AVL9: variants seen among roughly 807,000 people sequenced by gnomAD.
The protein encoded by AVL9 is AVL9 cell migration associated.
Under a neutral mutation model 79.2 loss-of-function variants are expected in AVL9, and 49 were observed. The observed-to-expected ratio is 0.62, with a 90% CI of 0.49 to 0.79. The LOEUF (loss-of-function observed/expected upper bound fraction) is 0.79, where lower values mean the gene tolerates loss of function less well. Among genes scored for constraint, AVL9 ranks in the 30% least tolerant of loss-of-function variants. The pLI is 0.00. For missense variants in AVL9, 682 were observed against 776.8 expected, an observed-to-expected ratio of 0.88 and a Z score of 1.45; for synonymous variants, 299 against 280.6, an observed-to-expected ratio of 1.07 and a Z score of -0.65.
chr7:32,554,498 AAG>A, intron 7 of AVL9, 58 bp from the exon 8 acceptor site: 1 of 1,121,602 alleles, frequency 8.9e-7, no homozygotes, highest in Non-Finnish European at 1.3e-6. Flanking sequence ...AGGAGGGGAA[AAG>A]ATGAATTATA....
intron 1 of AVL9, among the ~76,000 whole-genome samples, chr7:32,503,351 G>GAGATATATATATATATCTATAT (rs1383481307): frequency 1.0e-4 from 3 of 28,832 alleles, no homozygotes; most frequent in East Asian, 4.1e-3. Flanking sequence ...TATAGATATA[G>GAGATATATATATATATCTATAT]ATATAGAGAG....
rs908690255 is a variant in AVL9 at position 32,495,705 on chromosome 7, C to T, written c.-5C>T. The T allele has an allele frequency of 1.3e-4, 168 of 1,255,980 alleles. No homozygotes were observed. Among genetic ancestry groups the T allele is most frequent in the Non-Finnish European group, 1.6e-4 (163 of 991,174 alleles). 77.8% of individuals were successfully genotyped at this position (1,255,980 alleles called of 1,614,324 possible). On this transcript the variant is annotated 5_prime_UTR_variant, in exon 1 of 16. Coordinates refer to ENST00000318709, the MANE Select transcript of AVL9 (RefSeq NM_015060.3). ...AGTCGTCGTGCGGGCCCGCGGCGGC[C>T]GCCCATGGAGAAGGCCAGGAGAGGC...
chr7:32,516,301 A>G (rs760326209), intron 1 of AVL9, among the ~76,000 whole-genome samples: 1 of 151,994 alleles, frequency 6.6e-6, no homozygotes, highest in Non-Finnish European at 1.5e-5. Flanking sequence ...TGTTTTTTCC[A>G]CCTAGGAAGT....
intron 3 of AVL9, among the ~76,000 whole-genome samples, chr7:32,547,113 A>G (rs1789550814): frequency 6.6e-6 from 1 of 152,160 alleles, no homozygotes; most frequent in African/African-American, 2.4e-5. Flanking sequence ...GTTGGTATCA[A>G]GAGGTGACAC....
rs147759299 is a variant in AVL9, at chr7:32,499,291, A to G, written c.93+3489A>G. Among the ~76,000 whole-genome samples, 115 of 152,142 alleles carry G rather than the reference A, an allele frequency of 7.6e-4. 1 individual carries two copies. The highest frequency in any genetic ancestry group is 2.4e-3 in the African/African-American group (101 of 41,508). ...CAGAGTTTTGTTTGTTCCAATATAT[A>G]AATTATACTTGTCGGACTACCAAAA... On this transcript the variant is annotated intron_variant, in intron 1 of 15. Transcript: ENST00000318709.
intron 1 of AVL9, among the ~76,000 whole-genome samples, chr7:32,520,787 G>C (rs1265753831): frequency 1.3e-5 from 2 of 152,070 alleles, no homozygotes; most frequent in Non-Finnish European, 2.9e-5. Flanking sequence ...TCCCTCATGG[G>C]TGTACAGATG....
rs1192461047 is a variant in AVL9 at position 32,579,457 on chromosome 7, A to G, written c.1689-762A>G. On this transcript the variant is annotated intron_variant, in intron 13 of 15. Transcript: ENST00000318709. ...ATATATTATATATAATATATTATATATTATATATAATATATTATATTATAT... is the reference window on the plus strand; with the variant it reads ...ATATATTATATATAATATATTATATGTTATATATAATATATTATATTATAT... Among the ~76,000 whole-genome samples, 35 of 7,726 alleles carry G rather than the reference A, an allele frequency of 4.5e-3. 12 individuals carry two copies. Among genetic ancestry groups the G allele is most frequent in the African/African-American group, 0.023 (33 of 1,438 alleles). 5.1% of individuals were successfully genotyped at this position (7,726 alleles called of 152,430 possible).
chr7:32,521,737 TG>T (rs959174755), intron 1 of AVL9, among the ~76,000 whole-genome samples: 1 of 152,174 alleles, frequency 6.6e-6, no homozygotes, highest in African/African-American at 2.4e-5. Flanking sequence ...CCCAAGACCA[TG>T]GGGAAGATGT....
intron 3 of AVL9, 110 bp downstream of exon 3, chr7:32,544,889 G>A (rs1257968329): frequency 1.3e-6 from 1 of 741,830 alleles, no homozygotes; most frequent in Non-Finnish European, 2.2e-6. Flanking sequence ...TTAGATTTTT[G>A]TATACAATTT....
rs70992731 is a variant in AVL9 at position 32,566,180 on chromosome 7, A to ATCTTTTTTTTTTTTTTTTTTTT, written c.1216-3839_1216-3838insCTTTTTTTTTTTTTTTTTTTTT. ...TAAAAAAATTTTAATTATTATTATT[A>ATCTTTTTTTTTTTTTTTTTTTT]TTTTTTTTTTTTGGAGACAAGGTCT... is the stretch of plus-strand genomic sequence containing the variant. On this transcript the variant is annotated intron_variant, in intron 10 of 15. Coordinates refer to ENST00000318709, the MANE Select transcript of AVL9 (RefSeq NM_015060.3). 3.9e-4 allele frequency among the ~76,000 whole-genome samples: 37 copies of ATCTTTTTTTTTTTTTTTTTTTT among 93,882 alleles called. 5 individuals are homozygous for ATCTTTTTTTTTTTTTTTTTTTT. Among genetic ancestry groups the ATCTTTTTTTTTTTTTTTTTTTT allele is most frequent in the Middle Eastern group, 8.3e-3 (1 of 120 alleles). The allele number at this position is 93,882 out of a possible 152,430, so 61.6% of individuals were successfully genotyped here.
chr7:32,583,739 C>G (rs1244076778), intron 15 of AVL9, 53 bp from the exon 16 acceptor site: 1 of 1,169,894 alleles, frequency 8.5e-7, no homozygotes, highest in Non-Finnish European at 1.2e-6. Context: ...CTTTCACTGT[C>G]TCGTAACAAA....
At chr7:32,557,386 G>A (rs1185443433) in intron 8 of AVL9, among the ~76,000 whole-genome samples, 1 of 152,036 alleles carries the variant, frequency 6.6e-6, no homozygotes, top group Non-Finnish European at 1.5e-5. Context: ...TCCAGTCAAG[G>A]ATCATGTACT....
chr7:32,516,223 C>T (rs1787895858), intron 1 of AVL9, among the ~76,000 whole-genome samples: 1 of 152,202 alleles, frequency 6.6e-6, no homozygotes. Context: ...GATGTGTGTA[C>T]TGGCGGATGA....
chr7:32,522,455 C>A (rs1788204494), intron 1 of AVL9, among the ~76,000 whole-genome samples: 1 of 152,194 alleles, frequency 6.6e-6, no homozygotes, highest in Admixed American at 6.5e-5. Context: ...TCTGGACTTG[C>A]ATGGGACCCG....
chr7:32,509,672 A>T (rs1415097457), intron 1 of AVL9, among the ~76,000 whole-genome samples: 1 of 152,068 alleles, frequency 6.6e-6, no homozygotes, highest in Non-Finnish European at 1.5e-5. Context: ...CAACATAATG[A>T]AACCCCATCT....
chr7:32,511,169 C>T (rs1369433357), intron 1 of AVL9, among the ~76,000 whole-genome samples: 4 of 145,060 alleles, frequency 2.8e-5, no homozygotes, highest in African/African-American at 1.0e-4. Flanking sequence ...AGTCCTGGCA[C>T]TTCTGAACTG....
intron 7 of AVL9, 38 bp from the exon 8 acceptor site, chr7:32,554,518 GTC>G (rs878950463): frequency 7.7e-7 from 1 of 1,295,082 alleles, no homozygotes; most frequent in Non-Finnish European, 1.1e-6. Context: ...ATAGGCGTGA[GTC>G]TCTCATTTCA....
intron 1 of AVL9, among the ~76,000 whole-genome samples, chr7:32,531,412 A>ATATAC (rs1788642983): frequency 2.2e-4 from 1 of 4,562 alleles, no homozygotes; most frequent in Non-Finnish European, 4.7e-4. Flanking sequence ...TATACATGTT[A>ATATAC]ATGAACATGT....
intron 1 of AVL9, among the ~76,000 whole-genome samples, chr7:32,513,612 G>A (rs562235295): frequency 6.6e-6 from 1 of 152,346 alleles, no homozygotes; most frequent in Non-Finnish European, 1.5e-5. Context: ...ATGTATTGAA[G>A]GGGGCCTGCC....
Sources: allele counts gnomAD v4.1 joint callset (sites outside exome capture counted in the v4.1 genomes callset), GRCh38; gene constraint gnomAD v4.1.1; transcripts MANE v1.5; gene names NCBI Gene and HGNC (gene_info 2026-07-23, HGNC 2026-07-21).